MAN1A2: variants seen among roughly 807,000 people sequenced by gnomAD.
MAN1A2 encodes the protein mannosidase alpha class 1A member 2.
Under a neutral mutation model 75.7 loss-of-function variants are expected in MAN1A2, and 26 were observed. That is an observed-to-expected ratio of 0.34 (90% CI 0.25 to 0.48). MAN1A2 has a LOEUF of 0.48. Among genes scored for constraint, MAN1A2 ranks in the 20% least tolerant of loss-of-function variants. The pLI, the probability that MAN1A2 is intolerant of heterozygous loss-of-function variation, is 0.99. For missense variants in MAN1A2, 562 were observed against 775.5 expected, an observed-to-expected ratio of 0.72 and a Z score of 3.27; for synonymous variants, 247 against 264.6, an observed-to-expected ratio of 0.93 and a Z score of 0.65.
chr1:117,515,915 T>C (rs1416400743), intron 12 of MAN1A2: 1 of 152,068 alleles, frequency 6.6e-6, no homozygotes, highest in Non-Finnish European at 1.5e-5. Flanking sequence ...TGGTAAACTT[T>C]ATGTCATGTG....
rs1275326903 is a variant in MAN1A2, at chr1:117,405,498, A to G, written c.559-51A>G. The G allele has an allele frequency of 3.5e-6, 4 of 1,141,226 alleles. No individual in the cohort carries two copies. The Admixed American group carries it at 6.8e-5, about 19-fold the overall frequency. 70.7% of individuals were successfully genotyped at this position (1,141,226 alleles called of 1,614,324 possible). A position where few individuals can be genotyped will look rare whatever the true frequency, so the allele number is the denominator to read the frequency against. ...AACCCAAAATTGTATGAAATAAAAA[A>G]ACAGTTTGTGAAAAATTTAAATTGA... On this transcript the variant is annotated intron_variant, in intron 2 of 12. Coordinates refer to ENST00000356554, the MANE Select transcript of MAN1A2 (RefSeq NM_006699.5).
intron 8 of MAN1A2, among the ~76,000 whole-genome samples, chr1:117,466,703 C>T (rs1392946926): frequency 6.6e-6 from 1 of 152,036 alleles, no homozygotes; most frequent in Non-Finnish European, 1.5e-5. Flanking sequence ...CTTAAAAACT[C>T]TTATTAATAA....
chr1:117,430,107 C>T (rs191691338), intron 5 of MAN1A2, among the ~76,000 whole-genome samples: 5,253 of 47,262 alleles, frequency 0.11, 586 homozygotes, highest in East Asian at 0.23. Flanking sequence ...CCCTCCCGGA[C>T]GGGGTAGCTG....
At chr1:117,521,829 A>G (rs1197210369) in intron 12 of MAN1A2, among the ~76,000 whole-genome samples, 1 of 152,004 alleles carries the variant, frequency 6.6e-6, no homozygotes, top group African/African-American at 2.4e-5. Flanking sequence ...GTATATTTAT[A>G]CGATGGACTA....
chr1:117,432,379 A>G (rs1648699207), intron 5 of MAN1A2, among the ~76,000 whole-genome samples: 2 of 152,190 alleles, frequency 1.3e-5, no homozygotes, highest in African/African-American at 4.8e-5. Flanking sequence ...CTTTTTAGCT[A>G]AATTGATCAA....
chr1:117,436,472 G>A (rs929827599), intron 5 of MAN1A2, among the ~76,000 whole-genome samples: 16 of 152,152 alleles, frequency 1.1e-4, no homozygotes, highest in African/African-American at 3.9e-4. Context: ...TGCTGCTATA[G>A]GAAGGGACTC....
chr1:117,393,294 G>A (rs544874407), intron 1 of MAN1A2, among the ~76,000 whole-genome samples: 1 of 152,162 alleles, frequency 6.6e-6, no homozygotes, highest in Admixed American at 6.5e-5. Context: ...TTATTACCTT[G>A]AAGGTGTGGC....
intron 4 of MAN1A2, among the ~76,000 whole-genome samples, chr1:117,419,749 TAGAG>T (rs530797735): frequency 1.3e-5 from 2 of 152,008 alleles, no homozygotes; most frequent in Admixed American, 1.3e-4. Context: ...AATACAAACA[TAGAG>T]ACTCTATTTA....
chr1:117,528,044 A>G lies in MAN1A2; in HGVS notation c.*5087A>G, dbSNP rs1172750491. 1 of 152,054 alleles carries G rather than the reference A, an allele frequency of 6.6e-6. No individual in the cohort carries two copies. The highest frequency in any genetic ancestry group is 1.5e-5 in the Non-Finnish European group (1 of 67,978). The allele number at this position is 152,054 out of a possible 1,614,324, so 9.4% of individuals were successfully genotyped here. A position where few individuals can be genotyped will look rare whatever the true frequency, so the allele number is the denominator to read the frequency against. On this transcript the variant is annotated 3_prime_UTR_variant, in exon 13 of 13. Transcript: ENST00000356554. ...CTTGCATAACTCTCAATCCTTTACA[A>G]GTAAGTAGCATTATTTCAGAATGTC...
chr1:117,403,893 G>A (rs906702585), intron 2 of MAN1A2, among the ~76,000 whole-genome samples: 1 of 152,130 alleles, frequency 6.6e-6, no homozygotes, highest in Non-Finnish European at 1.5e-5. Flanking sequence ...ACTATGTTGT[G>A]TCAACTGTAG....
intron 6 of MAN1A2, among the ~76,000 whole-genome samples, chr1:117,444,448 T>G (rs770116432): frequency 6.6e-6 from 1 of 151,780 alleles, no homozygotes; most frequent in Non-Finnish European, 1.5e-5. Context: ...CGTTCCTGGA[T>G]CAAAGGGATA....
chr1:117,373,110 C>G (rs1162252206), intron 1 of MAN1A2, among the ~76,000 whole-genome samples: 1 of 151,724 alleles, frequency 6.6e-6, no homozygotes, highest in Non-Finnish European at 1.5e-5. Context: ...CTGCAGTGTG[C>G]TTTAGTGAGT....
chr1:117,512,750 TACACACACACACAC>T (rs3050979), intron 12 of MAN1A2, among the ~76,000 whole-genome samples: 30 of 143,764 alleles, frequency 2.1e-4, no homozygotes, highest in African/African-American at 6.5e-4. Context: ...GGCACTGGGA[TACACACACACACAC>T]ACACACACAC....
intron 3 of MAN1A2, among the ~76,000 whole-genome samples, chr1:117,409,079 A>G (rs1302467166): frequency 6.6e-6 from 1 of 152,012 alleles, no homozygotes; most frequent in Non-Finnish European, 1.5e-5. Context: ...CAAAGAAACA[A>G]CTTTTGGGTT....
chr1:117,415,146 AGTT>A (rs925876007), intron 4 of MAN1A2, among the ~76,000 whole-genome samples: 26 of 152,190 alleles, frequency 1.7e-4, no homozygotes, highest in African/African-American at 5.8e-4. Flanking sequence ...GGTTTGGCAT[AGTT>A]GTTAAGTCAC....
At chr1:117,493,337 C>A in intron 9 of MAN1A2, 75 bp downstream of exon 9, 1 of 829,538 alleles carries the variant, frequency 1.2e-6, no homozygotes, top group Non-Finnish European at 2.0e-6. Flanking sequence ...AGATGAATAT[C>A]TTATAACCAT....
chr1:117,474,801 C>G (rs1650266235), intron 8 of MAN1A2, among the ~76,000 whole-genome samples: 2 of 149,758 alleles, frequency 1.3e-5, no homozygotes, highest in Admixed American at 1.3e-4. Context: ...AAATAGTGAA[C>G]ATATCTATCA....
At chr1:117,495,012 G>A (rs1244535916) in intron 9 of MAN1A2, 7 of 151,206 alleles carry the variant, frequency 4.6e-5, no homozygotes, top group Non-Finnish European at 1.0e-4. Context: ...CTGTTTTCTT[G>A]TAATTTTCTT....
chr1:117,523,005 C>G lies in MAN1A2; in HGVS notation c.*48C>G. 1.2e-6 allele frequency: 2 copies of G among 1,603,282 alleles called. No individual in the cohort carries two copies. Among genetic ancestry groups the G allele is most frequent in the Non-Finnish European group, 1.7e-6 (2 of 1,175,274 alleles). Reference sequence around the variant, plus strand: ...CTCACCTGTGTTTTGTTTACATGGACCACTACAGAAATTAGTTTGAAGGGG... The same window carrying G: ...CTCACCTGTGTTTTGTTTACATGGAGCACTACAGAAATTAGTTTGAAGGGG... On this transcript the variant is annotated 3_prime_UTR_variant, in exon 13 of 13. Coordinates refer to ENST00000356554, the MANE Select transcript of MAN1A2 (RefSeq NM_006699.5).
Sources: gnomAD v4.1 joint callset for allele counts (sites outside exome capture counted in the v4.1 genomes callset) on GRCh38, gnomAD v4.1.1 for gene constraint, MANE v1.5 for transcripts, NCBI Gene and HGNC (gene_info 2026-07-23, HGNC 2026-07-21) for gene names.